The following GRIN3A variants were observed in gnomAD, a reference collection of about 807,000 sequenced individuals.
GRIN3A encodes glutamate receptor ionotropic, NMDA 3A.
Under a neutral mutation model 92.4 loss-of-function variants are expected in GRIN3A, and 47 were observed. The observed-to-expected ratio is 0.51, with a 90% CI of 0.40 to 0.65. GRIN3A has a LOEUF of 0.65. Ranked by LOEUF, GRIN3A falls within the 30% of genes least tolerant of loss-of-function variation. The pLI is 0.00. For synonymous variants in GRIN3A, 527 were observed against 540.6 expected, an observed-to-expected ratio of 0.97 and a Z score of 0.35; for missense variants, 1,324 against 1,393.1, an observed-to-expected ratio of 0.95 and a Z score of 0.79.
At chr9:101,615,294 T>C (rs1448059422) in intron 5 of GRIN3A, among the ~76,000 whole-genome samples, 2 of 151,144 alleles carry the variant, frequency 1.3e-5, no homozygotes, top group Non-Finnish European at 3.0e-5. Context: ...GACTAAAAGA[T>C]TGTCAAGCAT....
At chr9:101,638,467 A>G (rs960889712) in intron 3 of GRIN3A, among the ~76,000 whole-genome samples, 6 of 152,134 alleles carry the variant, frequency 3.9e-5, no homozygotes, top group Non-Finnish European at 5.9e-5. Flanking sequence ...CTTATTGAAA[A>G]TCCTCTTCAA....
chr9:101,671,249 T>C, intron 2 of GRIN3A, 142 bp from the exon 3 acceptor site: 1 of 705,118 alleles, frequency 1.4e-6, no homozygotes, highest in Non-Finnish European at 2.5e-6. Context: ...TTTCTTCAAA[T>C]GTTAATAAGC....
chr9:101,657,627 T>C (rs953032780), intron 3 of GRIN3A, among the ~76,000 whole-genome samples: 1 of 151,892 alleles, frequency 6.6e-6, no homozygotes, highest in African/African-American at 2.4e-5. Context: ...CATTTGGAGA[T>C]GTCTAACTGC....
intron 2 of GRIN3A, among the ~76,000 whole-genome samples, chr9:101,672,315 T>C (rs1829338610): frequency 6.6e-6 from 1 of 152,190 alleles, no homozygotes; most frequent in African/African-American, 2.4e-5. Context: ...ATTCCAGATA[T>C]GGTAACTCTG....
At chr9:101,689,364 A>T (rs746083090) in intron 1 of GRIN3A, among the ~76,000 whole-genome samples, 34 of 152,202 alleles carry the variant, frequency 2.2e-4, no homozygotes, top group Non-Finnish European at 3.8e-4. Context: ...TCACGGATGA[A>T]ATTGTTGCTT....
At chr9:101,583,392 A>G (rs1360523407) in intron 6 of GRIN3A, among the ~76,000 whole-genome samples, 1 of 152,202 alleles carries the variant, frequency 6.6e-6, no homozygotes, top group East Asian at 1.9e-4. Flanking sequence ...GAGTGACAAG[A>G]CATACAGCTG....
At chr9:101,674,648 A>G (rs1829371232) in intron 2 of GRIN3A, among the ~76,000 whole-genome samples, 1 of 152,036 alleles carries the variant, frequency 6.6e-6, no homozygotes, top group Non-Finnish European at 1.5e-5. Flanking sequence ...AGTAACCTTA[A>G]GTTCCTTTAA....
chr9:101,647,326 T>G, intron 3 of GRIN3A, among the ~76,000 whole-genome samples: 1 of 151,968 alleles, frequency 6.6e-6, no homozygotes, highest in South Asian at 2.1e-4. Flanking sequence ...ACCATCCTTC[T>G]GTCCTTGAGA....
intron 3 of GRIN3A, among the ~76,000 whole-genome samples, chr9:101,648,979 C>T (rs1410415166): frequency 6.6e-6 from 1 of 151,962 alleles, no homozygotes; most frequent in Non-Finnish European, 1.5e-5. Context: ...ACTCACTGCC[C>T]TGTCATTGTT....
chr9:101,624,281 A>T (rs975305091), intron 4 of GRIN3A, among the ~76,000 whole-genome samples: 1 of 151,714 alleles, frequency 6.6e-6, no homozygotes, highest in African/African-American at 2.4e-5. Flanking sequence ...TGTGCAGGTT[A>T]GTTACATATG....
Position 101,670,110 on chromosome 9 carries a change from T to C in GRIN3A, c.2302A>G (p.Met768Val), listed in dbSNP as rs1433541799. 1 of 1,613,838 alleles carries C rather than the reference T, an allele frequency of 6.2e-7. No individual in the cohort carries two copies. The highest frequency in any genetic ancestry group is 8.5e-7 in the Non-Finnish European group (1 of 1,179,862). The change falls in exon 3 of 9, where the codon ATG becomes GTG. Residue 768 changes from methionine to valine, a missense_variant. Met to Val is a conservative substitution (Grantham distance 21). Coordinates refer to ENST00000361820, the MANE Select transcript of GRIN3A (RefSeq NM_133445.3). ...TCTTCATAGATCTTCTCACCTACCATGACAGCAGCCAAGTTTGCCGTGTAT... is the reference window on the plus strand; with the variant it reads ...TCTTCATAGATCTTCTCACCTACCACGACAGCAGCCAAGTTTGCCGTGTAT... ...STYTANLAAVMVGEKIYEELS... is the reference protein window; with the variant it reads ...STYTANLAAVVVGEKIYEELS...
At chr9:101,732,516 T>C (rs1830151906) in intron 1 of GRIN3A, among the ~76,000 whole-genome samples, 2 of 152,176 alleles carry the variant, frequency 1.3e-5, no homozygotes, top group African/African-American at 4.8e-5. Flanking sequence ...GTCTTCTTTT[T>C]CCAGGCAAGT....
intron 2 of GRIN3A, among the ~76,000 whole-genome samples, chr9:101,684,283 T>G (rs1158368543): frequency 2.7e-5 from 4 of 146,326 alleles, no homozygotes; most frequent in African/African-American, 1.0e-4. Context: ...TTTTTTTTTT[T>G]TTTTTTTTTT....
At chr9:101,587,876 G>T (rs760303067) in intron 6 of GRIN3A, among the ~76,000 whole-genome samples, 1 of 152,214 alleles carries the variant, frequency 6.6e-6, no homozygotes, top group Non-Finnish European at 1.5e-5. Flanking sequence ...GGACAAGGAA[G>T]AAGCAAATGC....
chr9:101,609,083 C>T (rs1481329530), intron 6 of GRIN3A, among the ~76,000 whole-genome samples: 1 of 152,210 alleles, frequency 6.6e-6, no homozygotes, highest in Non-Finnish European at 1.5e-5. Context: ...GGCCTTCACG[C>T]TTCGTGATTT....
chr9:101,580,067 G>A (rs1827869735), intron 6 of GRIN3A, among the ~76,000 whole-genome samples: 1 of 152,140 alleles, frequency 6.6e-6, no homozygotes, highest in Non-Finnish European at 1.5e-5. Context: ...CCAGGAAGAG[G>A]CATGAAGCTC....
intron 2 of GRIN3A, among the ~76,000 whole-genome samples, chr9:101,685,086 C>T (rs1164358647): frequency 6.6e-6 from 1 of 152,006 alleles, no homozygotes; most frequent in East Asian, 1.9e-4. Context: ...GATGATAGAA[C>T]ATCTAATTTT....
At chr9:101,617,236 A>G (rs58955229) in intron 5 of GRIN3A, among the ~76,000 whole-genome samples, 18,132 of 149,126 alleles carry the variant, frequency 0.12, 2,133 homozygotes, top group African/African-American at 0.31. Context: ...AGAAAATTCA[A>G]AGGAACAAGA....
At chr9:101,617,090 C>T (rs1828468076) in intron 5 of GRIN3A, among the ~76,000 whole-genome samples, 1 of 149,128 alleles carries the variant, frequency 6.7e-6, no homozygotes, top group South Asian at 2.1e-4. Flanking sequence ...GTCGCAGCTA[C>T]TCGGGAGGCT....
Sources: gnomAD v4.1 joint callset for allele counts (sites outside exome capture counted in the v4.1 genomes callset) on GRCh38, gnomAD v4.1.1 for gene constraint, MANE v1.5 for transcripts, NCBI Gene and HGNC (gene_info 2026-07-23, HGNC 2026-07-21) for gene names.